Variants in ADAMTS12 observed in about 807,000 individuals in gnomAD.
ADAMTS12 encodes ADAM metallopeptidase with thrombospondin type 1 motif 12, also known as A disintegrin and metalloproteinase with thrombospondin motifs 12.
Under a neutral mutation model 167.8 loss-of-function variants are expected in ADAMTS12, and 118 were observed. That is an observed-to-expected ratio of 0.70 (90% CI 0.61 to 0.82). ADAMTS12 has a LOEUF of 0.82. ADAMTS12 is among the 40% of genes least tolerant of loss of function. ADAMTS12 has a pLI of 0.00. For missense variants in ADAMTS12, 1,916 were observed against 1,998.8 expected (o/e 0.96, Z 0.79); for synonymous variants, 704 against 716.9 (o/e 0.98, Z 0.29).
chr5:33,558,668 C>T (rs1045536568), intron 20 of ADAMTS12, among the ~76,000 whole-genome samples: 8 of 152,194 alleles, frequency 5.3e-5, no homozygotes, highest in Admixed American at 2.0e-4. Context: ...TTTCAAAACA[C>T]AAGCTATTTC....
chr5:33,830,033 G>A (rs977064326), intron 2 of ADAMTS12, among the ~76,000 whole-genome samples: 2 of 152,184 alleles, frequency 1.3e-5, no homozygotes, highest in African/African-American at 4.8e-5. Context: ...GCCCAAACTG[G>A]AAGACAGGTC....
At chr5:33,713,957 A>G (rs1241644870) in intron 3 of ADAMTS12, among the ~76,000 whole-genome samples, 1 of 152,132 alleles carries the variant, frequency 6.6e-6, no homozygotes, top group African/African-American at 2.4e-5. Context: ...TCTTTTACAG[A>G]TAAGAGCATG....
intron 1 of ADAMTS12, 68 bp from the exon 2 acceptor site, chr5:33,881,548 G>C (rs1374331232): frequency 1.2e-5 from 18 of 1,528,728 alleles, no homozygotes; most frequent in Middle Eastern, 1.8e-4. Flanking sequence ...ACTTTCGTTT[G>C]GAACTTGAAT....
At chr5:33,541,691 TA>T (rs1377399254) in intron 22 of ADAMTS12, among the ~76,000 whole-genome samples, 1 of 152,154 alleles carries the variant, frequency 6.6e-6, no homozygotes, top group African/African-American at 2.4e-5. Context: ...TCAACATTCT[TA>T]AAGAAAAGAA....
chr5:33,604,738 G>A (rs1230736930), intron 16 of ADAMTS12, among the ~76,000 whole-genome samples: 1 of 152,106 alleles, frequency 6.6e-6, no homozygotes, highest in African/African-American at 2.4e-5. Context: ...GTCCTGAAAT[G>A]AGGCTCTGCA....
chr5:33,803,708 G>T (rs766710933), intron 2 of ADAMTS12, among the ~76,000 whole-genome samples: 8 of 152,178 alleles, frequency 5.3e-5, no homozygotes, highest in Non-Finnish European at 8.8e-5. Flanking sequence ...TCACAATCAT[G>T]GCGAAAGGCA....
At chr5:33,878,818 T>C (rs1750321327) in intron 2 of ADAMTS12, among the ~76,000 whole-genome samples, 1 of 152,134 alleles carries the variant, frequency 6.6e-6, no homozygotes, top group South Asian at 2.1e-4. Context: ...ATCTAGGCTG[T>C]GGGGTTGGTG....
chr5:33,790,289 T>C (rs576617981), intron 2 of ADAMTS12, among the ~76,000 whole-genome samples: 2 of 152,248 alleles, frequency 1.3e-5, no homozygotes, highest in East Asian at 3.9e-4. Flanking sequence ...GCGCGGTGGC[T>C]CACGCCTGTA....
intron 2 of ADAMTS12, among the ~76,000 whole-genome samples, chr5:33,772,358 AC>A (rs1745770024): frequency 6.6e-6 from 1 of 151,968 alleles, no homozygotes; most frequent in South Asian, 2.1e-4. Context: ...CTCACCTCAC[AC>A]CTTCAACCCA....
At chr5:33,553,683 G>C (rs571841773) in intron 20 of ADAMTS12, among the ~76,000 whole-genome samples, 1 of 152,268 alleles carries the variant, frequency 6.6e-6, no homozygotes, top group South Asian at 2.1e-4. Context: ...TGGACACATG[G>C]AGGGGAACAC....
intron 3 of ADAMTS12, among the ~76,000 whole-genome samples, chr5:33,737,046 A>G (rs1744399186): frequency 6.6e-6 from 1 of 152,232 alleles, no homozygotes; most frequent in Admixed American, 6.5e-5. Context: ...TACTGAGAAA[A>G]ACTGAGATCA....
intron 2 of ADAMTS12, among the ~76,000 whole-genome samples, chr5:33,845,825 T>C (rs1016035357): frequency 1.3e-5 from 2 of 152,158 alleles, no homozygotes; most frequent in Non-Finnish European, 2.9e-5. Context: ...TCTCCACTCA[T>C]GGTGGAAAGC....
At position 33,669,964 on chromosome 5, in the gene ADAMTS12, TG is replaced by T. The variant is rs560729525; in HGVS notation, c.916-7925del. ...GGGATAGGCAAAGAATTTATAGACT[TG>T]GCACTAATAACATAATTAATAAAAG... On this transcript the variant is annotated intron_variant, in intron 5 of 23. Transcript: ENST00000504830. 6.8e-3 allele frequency among the ~76,000 whole-genome samples: 1,029 copies of T among 152,148 alleles called. 6 individuals carry two copies. Among genetic ancestry groups the T allele is most frequent in the Middle Eastern group, 0.024 (7 of 292 alleles).
intron 10 of ADAMTS12, 40 bp downstream of exon 10, chr5:33,643,338 C>T: frequency 6.2e-7 from 1 of 1,606,266 alleles, no homozygotes; most frequent in African/African-American, 1.3e-5. Flanking sequence ...AGAACTCTGC[C>T]CACCGCCCTC....
At chr5:33,820,182 T>C (rs1747817875) in intron 2 of ADAMTS12, among the ~76,000 whole-genome samples, 1 of 152,190 alleles carries the variant, frequency 6.6e-6, no homozygotes, top group South Asian at 2.1e-4. Flanking sequence ...ACTGTTTAGA[T>C]GTTTTCAATC....
intron 2 of ADAMTS12, among the ~76,000 whole-genome samples, chr5:33,861,590 C>T (rs978053477): frequency 6.6e-6 from 1 of 152,178 alleles, no homozygotes; most frequent in Non-Finnish European, 1.5e-5. Flanking sequence ...GAGACTTTAA[C>T]ACCCCACTGT....
chr5:33,563,621 T>G (rs1272086678), intron 19 of ADAMTS12, among the ~76,000 whole-genome samples: 7 of 152,218 alleles, frequency 4.6e-5, no homozygotes, highest in African/African-American at 1.7e-4. Flanking sequence ...AAAATTATGC[T>G]GTCACTTCTA....
chr5:33,832,198 T>C (rs764628138), intron 2 of ADAMTS12, among the ~76,000 whole-genome samples: 2 of 152,214 alleles, frequency 1.3e-5, no homozygotes, highest in African/African-American at 4.8e-5. Context: ...GGAGGATATA[T>C]AAGTTGGTGA....
At chr5:33,602,257 C>T (rs1738224955) in intron 16 of ADAMTS12, among the ~76,000 whole-genome samples, 1 of 152,222 alleles carries the variant, frequency 6.6e-6, no homozygotes, top group African/African-American at 2.4e-5. Context: ...GGCTAAATAA[C>T]AGACCATTAG....
Sources: gnomAD v4.1 joint callset for allele counts (sites outside exome capture counted in the v4.1 genomes callset) on GRCh38, gnomAD v4.1.1 for gene constraint, MANE v1.5 for transcripts, NCBI Gene and HGNC (gene_info 2026-07-23, HGNC 2026-07-21) for gene names.